The following MAGI1 variants were observed in gnomAD, a reference collection of about 807,000 sequenced individuals.
MAGI1 encodes the protein membrane-associated guanylate kinase, WW and PDZ domain-containing protein 1.
A neutral mutation model predicts 139.9 loss-of-function variants in MAGI1; 58 were observed. The observed-to-expected ratio is 0.41, with a 90% CI of 0.34 to 0.52. The LOEUF is 0.52. Among genes scored for constraint, MAGI1 ranks in the 20% least tolerant of loss-of-function variants. The pLI, the probability that MAGI1 is intolerant of heterozygous loss-of-function variation, is 0.12. For missense variants in MAGI1, 1,874 were observed against 1,901.6 expected (o/e 0.99, Z 0.27); for synonymous variants, 812 against 737.9 (o/e 1.10, Z -1.63).
chr3:65,790,244 T>C (rs913016097), intron 1 of MAGI1, among the ~76,000 whole-genome samples: 3 of 152,090 alleles, frequency 2.0e-5, no homozygotes, highest in Non-Finnish European at 1.5e-5. Context: ...CACTGGCCCA[T>C]AGTGAGAAAA....
At chr3:65,472,517 T>C (rs9851468) in intron 4 of MAGI1, among the ~76,000 whole-genome samples, 1,740 of 152,234 alleles carry the variant, frequency 0.011, 38 homozygotes, top group African/African-American at 0.039. Flanking sequence ...AGAAAACCAA[T>C]TGTTTAAAAA....
At position 65,620,939 on chromosome 3, in the gene MAGI1, T is replaced by C. The variant is rs550324289; in HGVS notation, c.430+1033A>G. 7.9e-5 allele frequency among the ~76,000 whole-genome samples: 12 copies of C among 152,330 alleles called. No homozygotes were observed. The South Asian group carries it at 2.5e-3, about 32-fold the overall frequency. ...AAATCTACAGAATGCCTGAGATTAG[T>C]TCTGCTTATTCTTTTACAGAAAGAA... On this transcript the variant is annotated intron_variant, in intron 2 of 22. Transcript: ENST00000402939.
At chr3:66,010,252 C>T (rs2067258617) in intron 1 of MAGI1, among the ~76,000 whole-genome samples, 1 of 152,092 alleles carries the variant, frequency 6.6e-6, no homozygotes, top group Non-Finnish European at 1.5e-5. Flanking sequence ...CATTTTACAA[C>T]AAAAAGTATA....
intron 2 of MAGI1, among the ~76,000 whole-genome samples, chr3:65,593,671 T>A (rs1282197716): frequency 1.3e-5 from 2 of 152,198 alleles, no homozygotes; most frequent in Non-Finnish European, 2.9e-5. Flanking sequence ...AACTTCATAA[T>A]GACTGCATAA....
chr3:65,481,327 C>G (rs1490083912), intron 3 of MAGI1, among the ~76,000 whole-genome samples: 1 of 152,138 alleles, frequency 6.6e-6, no homozygotes, highest in African/African-American at 2.4e-5. Flanking sequence ...TGCATTTCTA[C>G]AGTGGTTGTA....
chr3:65,910,135 G>T (rs2061598314), intron 1 of MAGI1, among the ~76,000 whole-genome samples: 1 of 152,192 alleles, frequency 6.6e-6, no homozygotes, highest in Non-Finnish European at 1.5e-5. Context: ...TGACCTGGGG[G>T]TTGGGGACCC....
At chr3:66,032,027 C>T (rs1276008035) in intron 1 of MAGI1, among the ~76,000 whole-genome samples, 1 of 152,154 alleles carries the variant, frequency 6.6e-6, no homozygotes, top group African/African-American at 2.4e-5. Context: ...TTATTAGACA[C>T]AGAAAGCCTG....
intron 14 of MAGI1, among the ~76,000 whole-genome samples, chr3:65,390,501 A>G (rs1226968642): frequency 2.6e-5 from 4 of 152,282 alleles, no homozygotes; most frequent in Middle Eastern, 3.4e-3. Flanking sequence ...TTTGGAAATC[A>G]TTTCATAATA....
chr3:65,819,561 C>T (rs188316560), intron 1 of MAGI1, among the ~76,000 whole-genome samples: 3 of 151,786 alleles, frequency 2.0e-5, no homozygotes, highest in African/African-American at 7.3e-5. Flanking sequence ...ATGCTGAAAT[C>T]CACCCCAGCA....
chr3:65,862,999 G>C (rs6785264), intron 1 of MAGI1, among the ~76,000 whole-genome samples: 70,760 of 151,906 alleles, frequency 0.47, 19,086 homozygotes, highest in African/African-American at 0.75. Context: ...CCTAATCCAG[G>C]CCCAGCTACT....
At chr3:65,570,251 A>C (rs1328913244) in intron 2 of MAGI1, among the ~76,000 whole-genome samples, 3 of 151,682 alleles carry the variant, frequency 2.0e-5, no homozygotes, top group Non-Finnish European at 2.9e-5. Context: ...ACAGACATGC[A>C]CCACTATATC....
chr3:65,736,833 A>T (rs551402975), intron 1 of MAGI1, among the ~76,000 whole-genome samples: 1 of 152,330 alleles, frequency 6.6e-6, no homozygotes, highest in African/African-American at 2.4e-5. Context: ...ATACACCCAG[A>T]AATAATGTTT....
rs142361077 is a variant in MAGI1 at position 65,865,767 on chromosome 3, A to T, written c.313+172229T>A. ...ACGATTCTCCTGCCTCAGCCTCCAG[A>T]GTACCTGGGATCACCGGCATTCGCC... On this transcript the variant is annotated intron_variant, in intron 1 of 22. Transcript: ENST00000402939. Among the ~76,000 whole-genome samples the T allele has an allele frequency of 7.0e-3, 1,063 of 152,284 alleles. 5 individuals are homozygous for T. Among genetic ancestry groups the T allele is most frequent in the Middle Eastern group, 0.031 (9 of 294 alleles).
chr3:66,015,179 CAAA>C (rs11361856), intron 1 of MAGI1, among the ~76,000 whole-genome samples: 8 of 97,964 alleles, frequency 8.2e-5, no homozygotes, highest in East Asian at 3.0e-4. Flanking sequence ...CCTGTCTCTA[CAAA>C]AAAAAAAAAA....
chr3:65,862,480 T>C (rs141571167), intron 1 of MAGI1, among the ~76,000 whole-genome samples: 4 of 152,316 alleles, frequency 2.6e-5, no homozygotes, highest in Admixed American at 2.0e-4. Context: ...TAATTTGCCA[T>C]AAACAGCAGC....
At chr3:65,752,168 C>G (rs1311265582) in intron 1 of MAGI1, among the ~76,000 whole-genome samples, 1 of 152,132 alleles carries the variant, frequency 6.6e-6, no homozygotes. Flanking sequence ...AGGCTGGTTG[C>G]AAACTCCTGC....
intron 2 of MAGI1, among the ~76,000 whole-genome samples, chr3:65,562,292 C>T (rs1338331883): frequency 6.6e-6 from 1 of 152,070 alleles, no homozygotes; most frequent in Admixed American, 6.6e-5. Context: ...ACAATTATAG[C>T]TTATGAAGCA....
At position 65,786,251 on chromosome 3, in the gene MAGI1, C is replaced by CTTTT. The variant is rs3077812; in HGVS notation, c.314-164167_314-164164dup. On this transcript the variant is annotated intron_variant, in intron 1 of 22. Coordinates refer to ENST00000402939, the MANE Select transcript of MAGI1 (RefSeq NM_001033057.2). ...GATTACCACGCCCAGCCAATCATAA[C>CTTTT]TTTTTTTTTTTTTTTTTTTGCCTTG... Among the ~76,000 whole-genome samples, 33 of 114,826 alleles carry CTTTT rather than the reference C, an allele frequency of 2.9e-4. 2 individuals are homozygous for CTTTT. The highest frequency in any genetic ancestry group is 5.4e-4 in the African/African-American group (16 of 29,788). 75.3% of individuals were successfully genotyped at this position (114,826 alleles called of 152,430 possible).
chr3:65,877,354 G>C (rs1414893121), intron 1 of MAGI1, among the ~76,000 whole-genome samples: 1 of 152,120 alleles, frequency 6.6e-6, no homozygotes, highest in African/African-American at 2.4e-5. Flanking sequence ...TAACATCTCA[G>C]GGCATGGACT....
Sources: allele counts gnomAD v4.1 joint callset (sites outside exome capture counted in the v4.1 genomes callset), GRCh38; gene constraint gnomAD v4.1.1; transcripts MANE v1.5; gene names NCBI Gene and HGNC (gene_info 2026-07-23, HGNC 2026-07-21).